Variants in DCDC2 observed in about 807,000 individuals in gnomAD.
DCDC2 encodes the protein doublecortin domain containing 2.
Under a neutral mutation model 50.2 loss-of-function variants are expected in DCDC2, and 40 were observed. That is an observed-to-expected ratio of 0.80 (90% CI 0.62 to 1.04). The LOEUF is 1.04. Ranked by LOEUF, DCDC2 falls within the 50% of genes least tolerant of loss-of-function variation. The pLI, the probability that DCDC2 is intolerant of heterozygous loss-of-function variation, is 0.00. For missense variants in DCDC2, 570 were observed against 581.9 expected (o/e 0.98, Z 0.21); for synonymous variants, 234 against 210.6 (o/e 1.11, Z -0.96).
intron 6 of DCDC2, among the ~76,000 whole-genome samples, chr6:24,284,869 G>A (rs2113825171): frequency 6.6e-6 from 1 of 152,100 alleles, no homozygotes; most frequent in East Asian, 1.9e-4. Flanking sequence ...GGCACAATTG[G>A]CTGTGTTAGA....
At chr6:24,328,748 C>T (rs888471362) in intron 2 of DCDC2, among the ~76,000 whole-genome samples, 8 of 152,190 alleles carry the variant, frequency 5.3e-5, no homozygotes, top group African/African-American at 1.9e-4. Flanking sequence ...TAATTGCATG[C>T]CCCTTGAAAT....
At chr6:24,233,409 ATACTTTACCCCTTAATG>A (rs1762377550) in intron 7 of DCDC2, among the ~76,000 whole-genome samples, 1 of 152,220 alleles carries the variant, frequency 6.6e-6, no homozygotes, top group Admixed American at 6.5e-5. Context: ...ATTCTTGTTG[ATACTTTACCCCTTAATG>A]TATTTTAATG....
chr6:24,312,308 C>T (rs978550558), intron 2 of DCDC2, among the ~76,000 whole-genome samples: 2 of 152,146 alleles, frequency 1.3e-5, no homozygotes, highest in Non-Finnish European at 2.9e-5. Flanking sequence ...GGTCTCTTCA[C>T]ATGGACACGT....
the DCDC2 span, among the ~76,000 whole-genome samples, chr6:24,382,462 A>G: frequency 1.3e-5 from 2 of 152,164 alleles, no homozygotes; most frequent in South Asian, 2.1e-4. Context: ...TTTTCCCCCT[A>G]AAGAATTGAA....
At chr6:24,224,147 A>G (rs1300078447) in intron 7 of DCDC2, among the ~76,000 whole-genome samples, 1 of 152,176 alleles carries the variant, frequency 6.6e-6, no homozygotes, top group African/African-American at 2.4e-5. Flanking sequence ...ACCAGAGTTC[A>G]CCGGGAATGG....
chr6:24,359,480 T>TAAA, upstream of DCDC2, among the ~76,000 whole-genome samples: 1 of 6,526 alleles, frequency 1.5e-4, no homozygotes, highest in Non-Finnish European at 5.0e-4. Flanking sequence ...AATATATATT[T>TAAA]TATATATAAT....
chr6:24,318,719 C>T (rs140394079), intron 2 of DCDC2, among the ~76,000 whole-genome samples: 3 of 151,736 alleles, frequency 2.0e-5, no homozygotes, highest in South Asian at 2.1e-4. Context: ...ATCCATGTTG[C>T]GGCAAAAGAC....
intron 7 of DCDC2, among the ~76,000 whole-genome samples, chr6:24,238,175 AGGGAGGGGAGGGGGAG>A (rs1561902234): frequency 0.062 from 1 of 16 alleles, no homozygotes; most frequent in Non-Finnish European, 0.083. Context: ...GAATGGAGGG[AGGGAGGGGAGGGGGAG>A]GGGAGGGAGT....
intron 4 of DCDC2, among the ~76,000 whole-genome samples, chr6:24,291,459 A>G (rs987413552): frequency 1.4e-5 from 2 of 138,410 alleles, no homozygotes; most frequent in African/African-American, 5.3e-5. Context: ...TGATTCTTCT[A>G]TTTATATTTT....
chr6:24,261,470 G>C (rs1763007899), intron 7 of DCDC2, among the ~76,000 whole-genome samples: 1 of 151,938 alleles, frequency 6.6e-6, no homozygotes, highest in South Asian at 2.1e-4. Context: ...GGATGGGCTG[G>C]AGTGCCAGGG....
At chr6:24,281,487 GAAAAAA>G (rs59842458) in intron 6 of DCDC2, among the ~76,000 whole-genome samples, 9 of 83,782 alleles carry the variant, frequency 1.1e-4, no homozygotes, top group African/African-American at 1.7e-4. Flanking sequence ...ATGCTTTTAA[GAAAAAA>G]AAAAAAAAAA....
chr6:24,296,906 A>G (rs1759260911), intron 4 of DCDC2, among the ~76,000 whole-genome samples: 1 of 152,232 alleles, frequency 6.6e-6, no homozygotes, highest in Non-Finnish European at 1.5e-5. Flanking sequence ...CAGTGTGGCA[A>G]TTCCTCAGAG....
Position 24,178,489 on chromosome 6 carries a change from C to T in DCDC2, c.1167G>A (p.Glu389=). Reference sequence around the variant, plus strand: ...GCTGCTCACTGTGATCCAGAATCTCCTCGACTTGCTCAGGGGCATCTGTAG... The same window carrying T: ...GCTGCTCACTGTGATCCAGAATCTCTTCGACTTGCTCAGGGGCATCTGTAG... The part of the protein sequence containing the change: ...REATDAPEQV[E]EILDHSEQQA... The change falls in exon 9 of 10, where the codon GAG becomes GAA. Residue 389 remains glutamate (E), a synonymous_variant. Transcript: ENST00000378454. The T allele has an allele frequency of 1.2e-6, 2 of 1,614,154 alleles. No homozygotes were observed. Among genetic ancestry groups the T allele is most frequent in the Non-Finnish European group, 1.7e-6 (2 of 1,180,040 alleles).
intron 1 of DCDC2, among the ~76,000 whole-genome samples, chr6:24,354,363 G>A (rs1760427613): frequency 6.6e-6 from 1 of 152,038 alleles, no homozygotes; most frequent in Non-Finnish European, 1.5e-5. Flanking sequence ...ATATTAAAAA[G>A]TATAAATCTA....
chr6:24,294,893 C>A (rs747689155), intron 4 of DCDC2, among the ~76,000 whole-genome samples: 1 of 152,076 alleles, frequency 6.6e-6, no homozygotes, highest in Non-Finnish European at 1.5e-5. Context: ...ACCAGATGTA[C>A]AAAATGTGGT....
intron 6 of DCDC2, among the ~76,000 whole-genome samples, chr6:24,282,932 A>C (rs887844428): frequency 4.6e-5 from 7 of 152,206 alleles, no homozygotes; most frequent in African/African-American, 1.7e-4. Flanking sequence ...ATATGTGTAT[A>C]ACTTGCTTCA....
chr6:24,351,797 CT>C (rs1339801123), intron 2 of DCDC2, among the ~76,000 whole-genome samples: 10 of 152,254 alleles, frequency 6.6e-5, no homozygotes, highest in Admixed American at 5.9e-4. Context: ...TCTGTGAATG[CT>C]TCTGTTATTA....
intron 7 of DCDC2, among the ~76,000 whole-genome samples, chr6:24,230,430 G>C (rs911325332): frequency 6.6e-6 from 1 of 151,914 alleles, no homozygotes; most frequent in African/African-American, 2.4e-5. Context: ...TCACTTGAGC[G>C]CAGGAGTTCA....
At chr6:24,190,780 C>T (rs1761297205) in intron 8 of DCDC2, among the ~76,000 whole-genome samples, 1 of 152,120 alleles carries the variant, frequency 6.6e-6, no homozygotes, top group Non-Finnish European at 1.5e-5. Flanking sequence ...TTTGTTAATG[C>T]CTAATGTGAA....
Sources: allele counts gnomAD v4.1 joint callset (sites outside exome capture counted in the v4.1 genomes callset), GRCh38; gene constraint gnomAD v4.1.1; transcripts MANE v1.5; gene names NCBI Gene and HGNC (gene_info 2026-07-23, HGNC 2026-07-21).